The following LAMA2 variants were observed in gnomAD, a reference collection of about 807,000 sequenced individuals.
LAMA2 encodes laminin subunit alpha 2.
In LAMA2, 269 loss-of-function variants were observed where a neutral mutation model predicts 364.8. The ratio of observed to expected loss-of-function variants is 0.74; its 90% CI spans 0.67 to 0.82. The LOEUF (loss-of-function observed/expected upper bound fraction) is 0.82, where lower values mean the gene tolerates loss of function less well. Among genes scored for constraint, LAMA2 ranks in the 40% least tolerant of loss-of-function variants. LAMA2 has a pLI of 0.00. For synonymous variants in LAMA2, 1,379 were observed against 1,370.6 expected, an observed-to-expected ratio of 1.01 and a Z score of -0.14; for missense variants, 3,807 against 3,873.2, an observed-to-expected ratio of 0.98 and a Z score of 0.45.
intron 1 of LAMA2, among the ~76,000 whole-genome samples, chr6:129,048,536 C>CTTTCTTT (rs1562188011): frequency 6.5e-5 from 5 of 77,018 alleles, no homozygotes; most frequent in African/African-American, 2.4e-4. Context: ...TTCCTTCCTT[C>CTTTCTTT]CTTCCTTTCT....
intron 33 of LAMA2, 83 bp downstream of exon 33, chr6:129,366,444 T>C: frequency 1.4e-6 from 2 of 1,457,856 alleles, no homozygotes; most frequent in Non-Finnish European, 1.9e-6. Context: ...TTGGTAAATG[T>C]TCTTCCCACA....
chr6:128,974,444 GA>G (rs1252475096), intron 1 of LAMA2, among the ~76,000 whole-genome samples: 1 of 152,150 alleles, frequency 6.6e-6, no homozygotes, highest in African/African-American at 2.4e-5. Context: ...TGAGCTGCAA[GA>G]TAAATATGGA....
rs554712121 is a variant in LAMA2, at chr6:129,217,121, G to A, written c.1782+24268G>A. On this transcript the variant is annotated intron_variant, in intron 12 of 64. Coordinates refer to ENST00000421865, the MANE Select transcript of LAMA2 (RefSeq NM_000426.4). ...GGAGAATCGCTTGAACCCAGGAGGC[G>A]GAGGTTGCAGTGAGCTGAGATCGTG... 5.9e-5 allele frequency among the ~76,000 whole-genome samples: 9 copies of A among 152,030 alleles called. No homozygotes were observed. The East Asian group carries it at 1.2e-3, about 20-fold the overall frequency.
chr6:129,476,125 C>G (rs1243238113), intron 53 of LAMA2, among the ~76,000 whole-genome samples: 1 of 152,136 alleles, frequency 6.6e-6, no homozygotes, highest in Admixed American at 6.5e-5. Flanking sequence ...CTGAACAAAC[C>G]TCAGAGATGT....
chr6:128,988,689 G>A (rs1229684404), intron 1 of LAMA2, among the ~76,000 whole-genome samples: 1 of 152,118 alleles, frequency 6.6e-6, no homozygotes, highest in Admixed American at 6.6e-5. Context: ...AATCATGATG[G>A]AGAGAAATTT....
intron 1 of LAMA2, among the ~76,000 whole-genome samples, chr6:128,941,329 G>A (rs1780142201): frequency 6.6e-6 from 1 of 152,156 alleles, no homozygotes; most frequent in South Asian, 2.1e-4. Context: ...AATGAGGTGG[G>A]GGAGGTTCAC....
chr6:129,306,708 G>A (rs1241797843), intron 22 of LAMA2, among the ~76,000 whole-genome samples: 1 of 151,748 alleles, frequency 6.6e-6, no homozygotes, highest in Admixed American at 6.6e-5. Flanking sequence ...AGTGTCCAAA[G>A]TCACTGATTT....
intron 22 of LAMA2, among the ~76,000 whole-genome samples, chr6:129,305,608 G>A (rs1773816783): frequency 6.6e-6 from 1 of 151,978 alleles, no homozygotes; most frequent in African/African-American, 2.4e-5. Context: ...ACCATGCCTA[G>A]CTTAATGTGT....
chr6:129,432,008 G>C lies in LAMA2; in HGVS notation c.5968+4154G>C, dbSNP rs140274465. ...TATAGGAGTGCAATTGTGACTAAGG[G>C]ATCCTTTTATTATTAAAGATATACT... is the stretch of plus-strand genomic sequence containing the variant. On this transcript the variant is annotated intron_variant, in intron 41 of 64. Transcript: ENST00000421865. Among the ~76,000 whole-genome samples the C allele has an allele frequency of 6.5e-3, 983 of 152,302 alleles. 6 individuals are homozygous for C. The highest frequency in any genetic ancestry group is 0.011 in the Non-Finnish European group (719 of 68,014).
intron 1 of LAMA2, among the ~76,000 whole-genome samples, chr6:128,920,741 G>A (rs565273061): frequency 7.1e-4 from 107 of 151,280 alleles, no homozygotes; most frequent in African/African-American, 2.5e-3. Flanking sequence ...ATGAGAGTAT[G>A]TGTGTGCACA....
chr6:129,105,863 G>A (rs1400659967), intron 4 of LAMA2, among the ~76,000 whole-genome samples: 2 of 152,078 alleles, frequency 1.3e-5, no homozygotes, highest in Non-Finnish European at 2.9e-5. Context: ...ATATTTTTCT[G>A]TTGTATGAGA....
intron 1 of LAMA2, among the ~76,000 whole-genome samples, chr6:128,946,744 C>G (rs991996563): frequency 6.6e-6 from 1 of 152,058 alleles, no homozygotes; most frequent in Non-Finnish European, 1.5e-5. Flanking sequence ...ACTCATTTTT[C>G]TTTTTCTTTA....
intron 4 of LAMA2, among the ~76,000 whole-genome samples, chr6:129,131,998 A>G (rs1777506107): frequency 6.6e-6 from 1 of 152,030 alleles, no homozygotes; most frequent in African/African-American, 2.4e-5. Context: ...GATGTCAATA[A>G]TTCTACAATC....
rs145328385 is a variant in LAMA2 at position 129,427,700 on chromosome 6, A to G, written c.5866-52A>G. ...TACCAACTGCCTTCTGGATCCCTCC[A>G]CTCCATTATTCTATGGTTTTAGATG... is the stretch of plus-strand genomic sequence containing the variant. On this transcript the variant is annotated intron_variant, in intron 40 of 64. Transcript: ENST00000421865. The G allele has an allele frequency of 7.4e-5, 98 of 1,319,360 alleles. No individual in the cohort carries two copies. In the African/African-American group the frequency reaches 1.3e-3, roughly 18 times the overall value. 81.7% of individuals were successfully genotyped at this position (1,319,360 alleles called of 1,614,324 possible).
intron 12 of LAMA2, among the ~76,000 whole-genome samples, chr6:129,212,008 G>T (rs73774766): frequency 0.13 from 19,796 of 152,090 alleles, 1,375 homozygotes; most frequent in East Asian, 0.31. Context: ...AGAAAATACA[G>T]GTAAAATTAT....
rs1754399646 is a variant in LAMA2 at position 129,288,039 on chromosome 6, T to A, written c.2730T>A (p.Val910=). The change falls in exon 19 of 65, where the codon GTT becomes GTA. Residue 910 remains valine, a synonymous_variant. Transcript: ENST00000421865. ...CTGATGGATATTTTGGAGATGCAGTTGATGCGAAGAACTGTCAGCGTAAGT... is the reference window on the plus strand; with the variant it reads ...CTGATGGATATTTTGGAGATGCAGTAGATGCGAAGAACTGTCAGCGTAAGT... ...LCADGYFGDA[V]DAKNCQPCRC... The A allele has an allele frequency of 1.2e-6, 2 of 1,613,916 alleles. No individual in the cohort carries two copies. Among genetic ancestry groups the A allele is most frequent in the South Asian group, 2.2e-5 (2 of 91,086 alleles).
intron 30 of LAMA2, among the ~76,000 whole-genome samples, chr6:129,348,802 G>C (rs1293964325): frequency 6.6e-6 from 1 of 152,090 alleles, no homozygotes. Context: ...TTTATTCCAA[G>C]TGAAACATGT....
At chr6:129,252,415 A>G (rs1786327868) in intron 14 of LAMA2, 120 bp downstream of exon 14, 2 of 727,822 alleles carry the variant, frequency 2.7e-6, no homozygotes, top group South Asian at 1.5e-5. Flanking sequence ...AAGAGCAGAT[A>G]AGAACGGAGC....
chr6:129,184,714 A>G (rs1184393392), intron 10 of LAMA2, among the ~76,000 whole-genome samples: 1 of 151,538 alleles, frequency 6.6e-6, no homozygotes, highest in African/African-American at 2.4e-5. Context: ...CTGAATCCCT[A>G]CTTGTTCATG....
Sources: gnomAD v4.1 joint callset for allele counts (sites outside exome capture counted in the v4.1 genomes callset) on GRCh38, gnomAD v4.1.1 for gene constraint, MANE v1.5 for transcripts, NCBI Gene and HGNC (gene_info 2026-07-23, HGNC 2026-07-21) for gene names.